The following OR1F1 variants were observed in gnomAD, a reference collection of about 807,000 sequenced individuals.
OR1F1 encodes olfactory receptor family 1 subfamily F member 1.
For synonymous variants in OR1F1, 184 were observed against 156.7 expected (o/e 1.17, Z -1.30); for missense variants, 493 against 376.3 (o/e 1.31, Z -2.57).
At chr16:3,192,800 C>T in the OR1F1 span, among the ~76,000 whole-genome samples, 1 of 139,658 alleles carries the variant, frequency 7.2e-6, no homozygotes. Context: ...GGGTGCGGCC[C>T]GGGAGGCTGC....
At chr16:3,198,495 A>G in the OR1F1 span, among the ~76,000 whole-genome samples, 39 of 152,264 alleles carry the variant, frequency 2.6e-4, no homozygotes, top group Non-Finnish European at 3.8e-4. Context: ...AGGGGAATCA[A>G]CACAGTTCTG....
the OR1F1 span, among the ~76,000 whole-genome samples, chr16:3,190,379 CT>C: frequency 6.6e-6 from 1 of 152,208 alleles, no homozygotes; most frequent in Non-Finnish European, 1.5e-5. Context: ...TTGGCAGGGA[CT>C]TCATTTTTGT....
chr16:3,204,225 C>T, upstream of OR1F1: 2 of 1,551,606 alleles, frequency 1.3e-6, no homozygotes, highest in Non-Finnish European at 8.7e-7. Context: ...TTGTCTGCCT[C>T]TGTGTCCAGG....
upstream of OR1F1, among the ~76,000 whole-genome samples, chr16:3,199,375 T>A (rs1958110451): frequency 6.6e-6 from 1 of 151,622 alleles, no homozygotes; most frequent in South Asian, 2.1e-4. Flanking sequence ...GGGCACAGTG[T>A]CTCATGCCTG....
exon 1 of OR1F1, chr16:3,204,844 C>T: frequency 6.2e-7 from 1 of 1,614,140 alleles, no homozygotes; most frequent in Non-Finnish European, 8.5e-7. Flanking sequence ...GGTCATAATC[C>T]TTAGTGAGGG....
chr16:3,202,803 A>G (rs753414504), upstream of OR1F1, among the ~76,000 whole-genome samples: 9 of 152,054 alleles, frequency 5.9e-5, no homozygotes, highest in Non-Finnish European at 1.0e-4. Flanking sequence ...TAAATTACCT[A>G]GTTTAGTTAT....
chr16:3,192,001 T>A, the OR1F1 span, among the ~76,000 whole-genome samples: 4 of 152,174 alleles, frequency 2.6e-5, no homozygotes, highest in East Asian at 1.9e-4. Flanking sequence ...CTCGTTGGTC[T>A]AGGGGTATGA....
rs141236935 is a variant in OR1F1 at position 3,204,556 on chromosome 16, G to A, written c.310G>A (p.Val104Ile). ...TGGCTGTCTCACACAGATGTATTTCGTTTTCATGTTCGTGGACATGGACAA... is the reference window on the plus strand; with the variant it reads ...TGGCTGTCTCACACAGATGTATTTCATTTTCATGTTCGTGGACATGGACAA... The change falls in exon 1 of 1, where the codon GTT becomes ATT. Residue 104 changes from valine (V) to isoleucine (I), a missense_variant. Transcript: ENST00000304646. The A allele has an allele frequency of 1.8e-4, 295 of 1,614,110 alleles. 1 individual carries two copies. The Middle Eastern group carries it at 4.0e-3, about 22-fold the overall frequency.
chr16:3,190,743 T>A, the OR1F1 span, among the ~76,000 whole-genome samples: 1 of 107,390 alleles, frequency 9.3e-6, no homozygotes, highest in Non-Finnish European at 1.8e-5. Context: ...AAGGTAAGAC[T>A]CTATCTAAAA....
At chr16:3,204,641 A>G in exon 1 of OR1F1, 1 of 1,614,142 alleles carries the variant, frequency 6.2e-7, no homozygotes, top group South Asian at 1.1e-5. Flanking sequence ...CCCTTACATT[A>G]CACAGCAAAG....
the OR1F1 span, chr16:3,188,554 GGAGT>G: frequency 1.3e-5 from 2 of 152,280 alleles, no homozygotes; most frequent in African/African-American, 4.8e-5. Flanking sequence ...AGAAGGGAGG[GGAGT>G]GAGTGAGAGG....
upstream of OR1F1, among the ~76,000 whole-genome samples, chr16:3,201,005 C>G (rs954690396): frequency 1.3e-5 from 2 of 152,194 alleles, no homozygotes; most frequent in African/African-American, 4.8e-5. Context: ...TGTTAATAAC[C>G]TTTAATCTAC....
chr16:3,204,295 C>T, exon 1 of OR1F1: 1 of 1,613,700 alleles, frequency 6.2e-7, no homozygotes, highest in Non-Finnish European at 8.5e-7. Flanking sequence ...CCTCCTGGGA[C>T]TCTCCAGGCA....
the OR1F1 span, chr16:3,189,718 A>T: frequency 6.6e-6 from 1 of 152,104 alleles, no homozygotes; most frequent in Non-Finnish European, 1.5e-5. Flanking sequence ...CTTTTGGTGC[A>T]GGGTAAAAGT....
At chr16:3,204,665 T>A (rs1372728427) in exon 1 of OR1F1, 1 of 1,614,048 alleles carries the variant, frequency 6.2e-7, no homozygotes, top group African/African-American at 1.3e-5. Context: ...ACCCATCAGC[T>A]CTGTGCCCTG....
At chr16:3,194,104 A>C in the OR1F1 span, among the ~76,000 whole-genome samples, 1 of 152,210 alleles carries the variant, frequency 6.6e-6, no homozygotes, top group African/African-American at 2.4e-5. Context: ...AACGGCATGA[A>C]TTTGGAAGAA....
At chr16:3,204,581 A>G (rs1463412810) in exon 1 of OR1F1, 2 of 1,614,024 alleles carry the variant, frequency 1.2e-6, no homozygotes, top group South Asian at 1.1e-5. Flanking sequence ...GACATGGACA[A>G]TTTCCTCCTA....
chr16:3,204,375 G>T (rs1958174244), exon 1 of OR1F1: 3 of 1,613,868 alleles, frequency 1.9e-6, no homozygotes, highest in African/African-American at 2.7e-5. Context: ...TGGGGAACCT[G>T]CTCATCATCC....
At chr16:3,202,290 C>G (rs1452570264), upstream of OR1F1, among the ~76,000 whole-genome samples, 1 of 152,124 alleles carries the variant, frequency 6.6e-6, no homozygotes, top group Non-Finnish European at 1.5e-5. Flanking sequence ...TGAGCAGAAG[C>G]CAATGCAGTA....
Sources: gnomAD v4.1 joint callset for allele counts (sites outside exome capture counted in the v4.1 genomes callset) on GRCh38, gnomAD v4.1.1 for gene constraint, MANE v1.5 for transcripts, NCBI Gene and HGNC (gene_info 2026-07-23, HGNC 2026-07-21) for gene names.